The following ETS1 variants were observed in gnomAD, a reference collection of about 807,000 sequenced individuals.
The protein encoded by ETS1 is ETS proto-oncogene 1, transcription factor, also known as protein C-ets-1.
ETS1 carries 15 observed loss-of-function variants against 58.6 expected under a neutral mutation model. The observed-to-expected ratio is 0.26, with a 90% CI of 0.17 to 0.39. The LOEUF (loss-of-function observed/expected upper bound fraction) is 0.39. ETS1 is among the 10% of genes least tolerant of loss of function. The probability of loss-of-function intolerance (pLI) is 1.00; values close to 1 mark genes in which losing one functional copy is unlikely to be tolerated. For missense variants in ETS1, 417 were observed against 610.5 expected (o/e 0.68, Z 3.34); for synonymous variants, 214 against 218.2 (o/e 0.98, Z 0.17).
chr11:128,545,053 T>G, intron 3 of ETS1, among the ~76,000 whole-genome samples: 2 of 151,334 alleles, frequency 1.3e-5, no homozygotes. Context: ...ACAAAGGGAG[T>G]ATGATGCTTA....
chr11:128,547,517 C>T (rs1864150446), intron 3 of ETS1, among the ~76,000 whole-genome samples: 1 of 152,192 alleles, frequency 6.6e-6, no homozygotes, highest in Non-Finnish European at 1.5e-5. Flanking sequence ...GCAAAGGCAA[C>T]TGGAACTCTG....
rs1861862997 is a variant in ETS1 at position 128,460,051 on chromosome 11, T to G, written c.*2310A>C. On this transcript the variant is annotated 3_prime_UTR_variant, in exon 10 of 10. Coordinates refer to ENST00000392668, the MANE Select transcript of ETS1 (RefSeq NM_001143820.2). ...TAGAAATCTAAGGTATTATTTCAGC[T>G]GCAGTTTTGCATGTCTGCAAACACA... 1.3e-5 allele frequency: 2 copies of G among 151,614 alleles called. No individual in the cohort carries two copies. Among genetic ancestry groups the G allele is most frequent in the Admixed American group, 1.3e-4 (2 of 15,048 alleles). 9.4% of individuals were successfully genotyped at this position (151,614 alleles called of 1,614,324 possible).
chr11:128,505,606 C>G (rs1024171334), intron 3 of ETS1, among the ~76,000 whole-genome samples: 1 of 152,176 alleles, frequency 6.6e-6, no homozygotes, highest in Admixed American at 6.5e-5. Context: ...CAGCCTCAGA[C>G]GCCTCTCCCA....
chr11:128,560,329 T>A (rs939246710), intron 2 of ETS1, among the ~76,000 whole-genome samples: 1 of 152,204 alleles, frequency 6.6e-6, no homozygotes, highest in Non-Finnish European at 1.5e-5. Flanking sequence ...GCCAGGCTGG[T>A]CTCGAATTCC....
chr11:128,518,174 T>C (rs945061994), intron 3 of ETS1, among the ~76,000 whole-genome samples: 1 of 152,190 alleles, frequency 6.6e-6, no homozygotes, highest in Non-Finnish European at 1.5e-5. Context: ...TCTCTGAAAG[T>C]TACCTCTCAC....
rs555321639 is a variant in ETS1 at position 128,461,033 on chromosome 11, A to G, written c.*1328T>C. 1.2e-3 allele frequency: 183 copies of G among 152,498 alleles called. 1 individual carries two copies. The highest frequency in any genetic ancestry group is 1.7e-3 in the Non-Finnish European group (113 of 68,040). 9.4% of individuals were successfully genotyped at this position (152,498 alleles called of 1,614,324 possible). ...TTATTGAAATGCTCTCTTAATTTCC[A>G]TCACTTCTAAAACTCAGCAAGTCTA... is the stretch of plus-strand genomic sequence containing the variant. On this transcript the variant is annotated 3_prime_UTR_variant, in exon 10 of 10. Transcript: ENST00000392668.
intron 3 of ETS1, among the ~76,000 whole-genome samples, chr11:128,494,880 A>G (rs1396022108): frequency 6.6e-6 from 1 of 152,170 alleles, no homozygotes; most frequent in Admixed American, 6.5e-5. Flanking sequence ...AAGAAATCCA[A>G]GGTGCATGTC....
chr11:128,463,846 T>C lies in ETS1; in HGVS notation c.1124-219A>G. 1 of 359,482 alleles carries C rather than the reference T, an allele frequency of 2.8e-6. No homozygotes were observed. Among genetic ancestry groups the C allele is most frequent in the Non-Finnish European group, 5.1e-6 (1 of 194,692 alleles). The allele number at this position is 359,482 out of a possible 1,614,324, so 22.3% of individuals were successfully genotyped here. ...TAAAACAAAAGCATGGAAGAAAATGTGTCAAGTGCTTTATTTTGATTAACT... is the reference window on the plus strand; with the variant it reads ...TAAAACAAAAGCATGGAAGAAAATGCGTCAAGTGCTTTATTTTGATTAACT... On this transcript the variant is annotated intron_variant, in intron 8 of 9. Coordinates refer to ENST00000392668, the MANE Select transcript of ETS1 (RefSeq NM_001143820.2). The surrounding 1 kb of genome is among the most constrained non-coding windows in gnomAD (Gnocchi z 4.1).
intron 3 of ETS1, among the ~76,000 whole-genome samples, chr11:128,524,581 A>G (rs184636887): frequency 8.9e-4 from 135 of 152,340 alleles, no homozygotes; most frequent in Non-Finnish European, 4.4e-5. Context: ...TGTTTCATTA[A>G]TCTAATCAAT....
intron 1 of ETS1, among the ~76,000 whole-genome samples, chr11:128,585,094 AGAAAGAAAGGAAG>A (rs1864975287): frequency 6.2e-5 from 2 of 32,222 alleles, no homozygotes; most frequent in African/African-American, 2.7e-4. Context: ...AAGAAAGGAA[AGAAAGAAAGGAAG>A]GAAGGAAGGA....
chr11:128,586,340 GAAC>G (rs1390240858), intron 1 of ETS1, among the ~76,000 whole-genome samples: 2 of 152,066 alleles, frequency 1.3e-5, no homozygotes, highest in Admixed American at 1.3e-4. Context: ...CTCCATTCAG[GAAC>G]AACAGGTGAG....
intron 3 of ETS1, among the ~76,000 whole-genome samples, chr11:128,550,239 T>A (rs1864208219): frequency 6.6e-6 from 1 of 152,188 alleles, no homozygotes; most frequent in African/African-American, 2.4e-5. Context: ...GACTTAACAC[T>A]CTTCAATTAT....
intron 3 of ETS1, among the ~76,000 whole-genome samples, chr11:128,552,897 A>G (rs748166214): frequency 9.2e-5 from 14 of 152,240 alleles, no homozygotes; most frequent in African/African-American, 1.7e-4. Flanking sequence ...GTAAAACGTC[A>G]GTGAGCTCTT....
intron 3 of ETS1, among the ~76,000 whole-genome samples, chr11:128,535,193 A>G (rs1398113869): frequency 1.3e-5 from 2 of 152,104 alleles, no homozygotes; most frequent in Non-Finnish European, 2.9e-5. Context: ...GTTGAGCTTT[A>G]TGTCATATGT....
At position 128,464,938 on chromosome 11, in the gene ETS1, C is replaced by T. The variant is rs192283396; in HGVS notation, c.1124-1311G>A. On this transcript the variant is annotated intron_variant, in intron 8 of 9. Transcript: ENST00000392668. The surrounding 1 kb of genome is among the most constrained non-coding windows in gnomAD (Gnocchi z 4.1). ...GAGGCACAAGTGGTCTTACGGCTTC[C>T]TTTCTAATGGTGCAGAAAAAGTGCT... 1.3e-5 allele frequency among the ~76,000 whole-genome samples: 2 copies of T among 152,294 alleles called. No individual in the cohort carries two copies. The highest frequency in any genetic ancestry group is 6.5e-5 in the Admixed American group (1 of 15,304).
chr11:128,566,334 T>C (rs918048630), intron 2 of ETS1, among the ~76,000 whole-genome samples: 1 of 152,212 alleles, frequency 6.6e-6, no homozygotes, highest in African/African-American at 2.4e-5. Context: ...GAAAAGAGAA[T>C]TGATGGAGGT....
At position 128,578,243 on chromosome 11, in the gene ETS1, G is replaced by A. The variant is rs150032049; in HGVS notation, c.-14-5099C>T. Among the ~76,000 whole-genome samples, 652 of 152,078 alleles carry A rather than the reference G, an allele frequency of 4.3e-3. 5 individuals carry two copies. The highest frequency in any genetic ancestry group is 0.015 in the African/African-American group (616 of 41,496). On this transcript the variant is annotated intron_variant, in intron 1 of 9. Coordinates refer to ENST00000392668, the MANE Select transcript of ETS1 (RefSeq NM_001143820.2). ...GGCAGGTTGAGAGACACAGAATAAAGGAAAAATTAGGGAGGAGAGGGACTG... is the reference window on the plus strand; with the variant it reads ...GGCAGGTTGAGAGACACAGAATAAAAGAAAAATTAGGGAGGAGAGGGACTG...
chr11:128,543,231 T>C (rs1219967122), intron 3 of ETS1, among the ~76,000 whole-genome samples: 1 of 152,060 alleles, frequency 6.6e-6, no homozygotes, highest in East Asian at 1.9e-4. Context: ...AGGTATTTTT[T>C]TATAATAATT....
intron 8 of ETS1, among the ~76,000 whole-genome samples, chr11:128,479,876 T>A (rs1437318432): frequency 6.6e-6 from 1 of 151,726 alleles, no homozygotes; most frequent in African/African-American, 2.4e-5. Flanking sequence ...GGCCACTAGA[T>A]AGAGTTTCCA....
Sources: gnomAD v4.1 joint callset for allele counts (sites outside exome capture counted in the v4.1 genomes callset) on GRCh38, gnomAD v4.1.1 for gene constraint, Gnocchi (gnomAD v3.1) non-coding constraint, MANE v1.5 for transcripts, NCBI Gene and HGNC (gene_info 2026-07-23, HGNC 2026-07-21) for gene names.